COL7A1: variants seen among roughly 807,000 people sequenced by gnomAD.
The protein encoded by COL7A1 is collagen alpha-1(VII) chain.
COL7A1 carries 296 observed loss-of-function variants against 456.2 expected under a neutral mutation model. The observed-to-expected ratio is 0.65, with a 90% CI of 0.59 to 0.71. The LOEUF (loss-of-function observed/expected upper bound fraction) is 0.71. Among genes scored for constraint, COL7A1 ranks in the 30% least tolerant of loss-of-function variants. COL7A1 has a pLI of 0.00. For synonymous variants in COL7A1, 1,464 were observed against 1,525.9 expected, an observed-to-expected ratio of 0.96 and a Z score of 0.95; for missense variants, 3,441 against 4,017.2, an observed-to-expected ratio of 0.86 and a Z score of 3.88.
At chr3:48,589,203 G>A (rs2045515903) in intron 18 of COL7A1, 124 bp downstream of exon 18, 3 of 1,499,380 alleles carry the variant, frequency 2.0e-6, no homozygotes, top group Non-Finnish European at 2.8e-6. Context: ...ATCAGTGTGG[G>A]GTGGGTCAGT....
Position 48,572,997 on chromosome 3 carries a change from C to A in COL7A1, c.6750+24G>T. ...CTGTCGACCCTTGACCCCTGGAGCC[C>A]AACCCTTGACCCCCAGAACTCACCA... On this transcript the variant is annotated intron_variant, in intron 86 of 118. Coordinates refer to ENST00000681320, the MANE Select transcript of COL7A1 (RefSeq NM_000094.4). This position sits in a 1 kb window ranked among gnomAD's most constrained non-coding sequence, Gnocchi z 4.6. The A allele has an allele frequency of 6.2e-7, 1 of 1,614,012 alleles. No homozygotes were observed. Among genetic ancestry groups the A allele is most frequent in the Non-Finnish European group, 8.5e-7 (1 of 1,180,016 alleles).
In COL7A1 at chr3:48,578,847, G is replaced by A; in HGVS notation, c.5424+72C>T. 1 of 1,499,814 alleles carries A rather than the reference G, an allele frequency of 6.7e-7. No individual in the cohort carries two copies. The highest frequency in any genetic ancestry group is 1.9e-5 in the Admixed American group (1 of 52,194). 92.9% of individuals were successfully genotyped at this position (1,499,814 alleles called of 1,614,324 possible). ...CCCCCCACCAACTCTCTCGGATGCT[G>A]TGACTATGATGATCTGGTTGGAGCT... On this transcript the variant is annotated intron_variant, in intron 63 of 118. Coordinates refer to ENST00000681320, the MANE Select transcript of COL7A1 (RefSeq NM_000094.4). This position sits in a 1 kb window ranked among gnomAD's most constrained non-coding sequence, Gnocchi z 4.7.
In COL7A1 at chr3:48,570,802, C is replaced by T. The variant is rs538356719; in HGVS notation, c.7272+59G>A. ...AAGACTGGGAACCCCCAAGGCAGGG[C>T]CCCCTCCTCACCCACCATGGATTCA... On this transcript the variant is annotated intron_variant, in intron 95 of 118. Transcript: ENST00000681320. This position sits in a 1 kb window ranked among gnomAD's most constrained non-coding sequence, Gnocchi z 5.5. The T allele has an allele frequency of 1.8e-5, 28 of 1,564,090 alleles. No individual in the cohort carries two copies. The highest frequency in any genetic ancestry group is 2.4e-5 in the Non-Finnish European group (28 of 1,153,628).
chr3:48,580,462 C>T lies in COL7A1; in HGVS notation c.5053-118G>A. 1 of 1,476,408 alleles carries T rather than the reference C, an allele frequency of 6.8e-7. No homozygotes were observed. The allele number at this position is 1,476,408 out of a possible 1,614,324, so 91.5% of individuals were successfully genotyped here. On this transcript the variant is annotated intron_variant, in intron 55 of 118. Coordinates refer to ENST00000681320, the MANE Select transcript of COL7A1 (RefSeq NM_000094.4). The surrounding 1 kb of genome is among the most constrained non-coding windows in gnomAD (Gnocchi z 4.5). ...CCTTCAGATGCGTGTGTGCAGGGGT[C>T]AAAGGAAGTGAAGATTGGGAGGGTT...
In COL7A1 at chr3:48,567,213, A is replaced by G. The variant is rs1297886768; in HGVS notation, c.8047-23T>C. Reference sequence around the variant, plus strand: ...ACCCTGGGAACAGAAGAAGCATGAGAGACCTTCTGCCCTGACCTCCCTCAG... The same window carrying G: ...ACCCTGGGAACAGAAGAAGCATGAGGGACCTTCTGCCCTGACCTCCCTCAG... On this transcript the variant is annotated intron_variant, in intron 109 of 118. Coordinates refer to ENST00000681320, the MANE Select transcript of COL7A1 (RefSeq NM_000094.4). This position sits in a 1 kb window ranked among gnomAD's most constrained non-coding sequence, Gnocchi z 4.3. 1 of 1,613,270 alleles carries G rather than the reference A, an allele frequency of 6.2e-7. No homozygotes were observed. The highest frequency in any genetic ancestry group is 1.3e-5 in the African/African-American group (1 of 74,856).
Position 48,587,193 on chromosome 3 carries a change from G to A in COL7A1, c.3136C>T (p.Pro1046Ser). The change falls in exon 24 of 119, where the codon CCA (proline) becomes TCA (serine). Residue 1046 changes from proline to serine, a missense_variant. By Grantham distance (74) the Pro-to-Ser change is moderately conservative. Around this residue, in one of 3 missense-constraint regions of COL7A1, gnomAD observed 444 missense variants for 427.6 expected, o/e 1.04. Transcript: ENST00000681320. This position sits in a 1 kb window ranked among gnomAD's most constrained non-coding sequence, Gnocchi z 6.1. The part of the protein sequence containing the change: ...RGPEASVTQT[P>S]VCPRGLADVV... ...CTTCCCACTACGCCCACTATACCTG[G>A]CGTCTGTGTGACAGATGCCTCAGGA... The A allele has an allele frequency of 1.2e-6, 2 of 1,613,590 alleles. No homozygotes were observed. The highest frequency in any genetic ancestry group is 1.7e-6 in the Non-Finnish European group (2 of 1,179,926).
At position 48,566,343 on chromosome 3, in the gene COL7A1, AAAG is replaced by A. The variant is rs1392753982; in HGVS notation, c.8359-31_8359-29del. On this transcript the variant is annotated intron_variant, in intron 113 of 118. Transcript: ENST00000681320. This position sits in a 1 kb window ranked among gnomAD's most constrained non-coding sequence, Gnocchi z 5.9. ...GGGAGCAGAAGACCACAGGGACCAT[AAAG>A]AACCCATGGCCCACAGGAAGGACAT... 1.9e-6 allele frequency: 3 copies of A among 1,605,488 alleles called. No homozygotes were observed. The highest frequency in any genetic ancestry group is 1.7e-6 in the Non-Finnish European group (2 of 1,176,274).
chr3:48,569,982 G>A lies in COL7A1; in HGVS notation c.7486-67C>T. 1 of 1,609,140 alleles carries A rather than the reference G, an allele frequency of 6.2e-7. No homozygotes were observed. The highest frequency in any genetic ancestry group is 8.5e-7 in the Non-Finnish European group (1 of 1,176,310). On this transcript the variant is annotated intron_variant, in intron 99 of 118. Transcript: ENST00000681320. This position sits in a 1 kb window ranked among gnomAD's most constrained non-coding sequence, Gnocchi z 4.9. ...AGTGGAGGACGGAGGAGGATCAGGG[G>A]GAGGAGGGAAACAGTGGGGACCAGA...
Position 48,572,723 on chromosome 3 carries a change from G to A in COL7A1, c.6848C>T (p.Pro2283Leu). The change falls in exon 88 of 119, where the codon CCT (proline) becomes CTT (leucine). Residue 2283 changes from proline (P) to leucine (L), a missense_variant. Transcript: ENST00000681320. This position sits in a 1 kb window ranked among gnomAD's most constrained non-coding sequence, Gnocchi z 4.6. ...SPGVPGSPGLPGPVGPKGEPG... is the reference protein window; with the variant it reads ...SPGVPGSPGLLGPVGPKGEPG... ...TTCTCCTTTAGGTCCGACAGGGCCA[G>A]GCAGACCTGGTGACCCCTATGGCAG... 1 of 1,609,774 alleles carries A rather than the reference G, an allele frequency of 6.2e-7. No individual in the cohort carries two copies. The highest frequency in any genetic ancestry group is 8.5e-7 in the Non-Finnish European group (1 of 1,178,064).
rs2043649063 is a variant in COL7A1 at position 48,567,245 on chromosome 3, A to T, written c.8047-55T>A. On this transcript the variant is annotated intron_variant, in intron 109 of 118. Coordinates refer to ENST00000681320, the MANE Select transcript of COL7A1 (RefSeq NM_000094.4). The surrounding 1 kb of genome is among the most constrained non-coding windows in gnomAD (Gnocchi z 4.3). ...CTGCCCTGACCTCCCTCAGCTCTGG[A>T]ACCTCCCTGAACTCCCATGAGCTCC... The T allele has an allele frequency of 5.0e-6, 8 of 1,598,364 alleles. No individual in the cohort carries two copies.
At position 48,578,835 on chromosome 3, in the gene COL7A1, C is replaced by T. The variant is rs2044511746; in HGVS notation, c.5424+84G>A. The T allele has an allele frequency of 7.0e-7, 1 of 1,437,928 alleles. No homozygotes were observed. The highest frequency in any genetic ancestry group is 1.3e-5 in the South Asian group (1 of 75,928). The allele number at this position is 1,437,928 out of a possible 1,614,324, so 89.1% of individuals were successfully genotyped here. A position where few individuals can be genotyped will look rare whatever the true frequency, so the allele number is the denominator to read the frequency against. ...AGGCTGAACCGACCCCCCACCAACT[C>T]TCTCGGATGCTGTGACTATGATGAT... On this transcript the variant is annotated intron_variant, in intron 63 of 118. Transcript: ENST00000681320. The surrounding 1 kb of genome is among the most constrained non-coding windows in gnomAD (Gnocchi z 4.7).
At position 48,588,806 on chromosome 3, in the gene COL7A1, C is replaced by T. The variant is rs115504500; in HGVS notation, c.2441-18G>A. 4.4e-4 allele frequency: 718 copies of T among 1,613,702 alleles called. 5 individuals carry two copies. In the African/African-American group the frequency reaches 8.9e-3, roughly 20 times the overall value. On this transcript the variant is annotated intron_variant, in intron 19 of 118. Transcript: ENST00000681320. This position sits in a 1 kb window ranked among gnomAD's most constrained non-coding sequence, Gnocchi z 4.6. ...GGGGCCGCCTGGCCAGGTGGGCATA[C>T]AGCAATGGTTAGGGGTGAGCAGTCC...
In COL7A1 at chr3:48,595,089, T is replaced by G. The variant is rs929295360; in HGVS notation, c.71A>C (p.Gln24Pro). Residue 24 changes from glutamine to proline, a missense_variant, in exon 2 of 119, where the codon CAG becomes CCG. Coordinates refer to ENST00000681320, the MANE Select transcript of COL7A1 (RefSeq NM_000094.4). ...GCGGTGCCCACCTCTCTCCCTGTGC[T>G]GGGCTCGCACTCGGGGCGCCTCTGC... is the stretch of plus-strand genomic sequence containing the variant. ...ILAEAPRVRA[Q>P]HRERVTCTRL... 2.0e-5 allele frequency: 31 copies of G among 1,551,866 alleles called. No homozygotes were observed. The highest frequency in any genetic ancestry group is 3.4e-4 in the Middle Eastern group (2 of 5,954).
At position 48,594,972 on chromosome 3, in the gene COL7A1, G is replaced by A. The variant is rs562155841; in HGVS notation, c.85+103C>T. On this transcript the variant is annotated intron_variant, in intron 2 of 118. Coordinates refer to ENST00000681320, the MANE Select transcript of COL7A1 (RefSeq NM_000094.4). The surrounding 1 kb of genome is among the most constrained non-coding windows in gnomAD (Gnocchi z 5.5). ...GGAGGAATCCGCGGGGCGTCGTGGA[G>A]TTGGCTGGGTTGTGGGCGGGGGGTG... 2.0e-5 allele frequency: 19 copies of A among 948,002 alleles called. No homozygotes were observed. The highest frequency in any genetic ancestry group is 2.9e-5 in the Non-Finnish European group (18 of 620,858). 58.7% of individuals were successfully genotyped at this position (948,002 alleles called of 1,614,324 possible).
rs2043664369 is a variant in COL7A1, at chr3:48,567,618, C to T, written c.8002G>A (p.Gly2668Ser). ...TCCTTGCCAGGGGCCCCCGACTGGC[C>T]CGGCACACCAGGCTCCCCCTGGAGA... ...KGEMGEPGVP[G>S]QSGAPGKEGL... Residue 2668 changes from glycine (G) to serine (S), a missense_variant, in exon 109 of 119, where the codon GGC (glycine) becomes AGC (serine). By Grantham distance (56) the Gly-to-Ser change is moderately conservative (BLOSUM62 0). Coordinates refer to ENST00000681320, the MANE Select transcript of COL7A1 (RefSeq NM_000094.4). The surrounding 1 kb of genome is among the most constrained non-coding windows in gnomAD (Gnocchi z 4.3). 1 of 1,613,958 alleles carries T rather than the reference C, an allele frequency of 6.2e-7. No individual in the cohort carries two copies. The highest frequency in any genetic ancestry group is 1.7e-5 in the Admixed American group (1 of 60,006).
chr3:48,589,703 A>T lies in COL7A1; in HGVS notation c.2066T>A (p.Val689Glu). The T allele has an allele frequency of 1.2e-6, 2 of 1,613,980 alleles. No individual in the cohort carries two copies. Among genetic ancestry groups the T allele is most frequent in the Non-Finnish European group, 8.5e-7 (1 of 1,179,988 alleles). Residue 689 changes from valine (V) to glutamate (E), a missense_variant, in exon 17 of 119, where the codon GTG (valine) becomes GAG (glutamate). Val to Glu is a moderately radical substitution (Grantham distance 121). Coordinates refer to ENST00000681320, the MANE Select transcript of COL7A1 (RefSeq NM_000094.4). ...IVARTDPLGP[V>E]RTVHVTQASS... ...GGCCTGAGTCACATGGACCGTCCTC[A>T]CTGGGCCCAGTGGGTCTAGTGGGGA...
Position 48,592,516 on chromosome 3 carries a change from G to T in COL7A1, c.977-49C>A. ...TTCATGGAGTCAGAAGTGGGAGGGGGTACTGGGGTCGGGGGTTAGGTGAAT... is the reference window on the plus strand; with the variant it reads ...TTCATGGAGTCAGAAGTGGGAGGGGTTACTGGGGTCGGGGGTTAGGTGAAT... On this transcript the variant is annotated intron_variant, in intron 8 of 118. Coordinates refer to ENST00000681320, the MANE Select transcript of COL7A1 (RefSeq NM_000094.4). The surrounding 1 kb of genome is among the most constrained non-coding windows in gnomAD (Gnocchi z 7.6). The T allele has an allele frequency of 6.2e-7, 1 of 1,613,348 alleles. No homozygotes were observed. The highest frequency in any genetic ancestry group is 8.5e-7 in the Non-Finnish European group (1 of 1,179,898).
At position 48,566,607 on chromosome 3, in the gene COL7A1, G is replaced by A. The variant is rs780392345; in HGVS notation, c.8305-44C>T. On this transcript the variant is annotated intron_variant, in intron 112 of 118. Transcript: ENST00000681320. This position sits in a 1 kb window ranked among gnomAD's most constrained non-coding sequence, Gnocchi z 5.9. ...ACCAGGCTGTGACCTCTGACCTCAG[G>A]GACAACAGAAGTCACCCCGATCTCT... is the stretch of plus-strand genomic sequence containing the variant. 3 of 1,614,094 alleles carry A rather than the reference G, an allele frequency of 1.9e-6. No individual in the cohort carries two copies. Among genetic ancestry groups the A allele is most frequent in the Non-Finnish European group, 2.5e-6 (3 of 1,179,988 alleles).
chr3:48,582,634 C>T lies in COL7A1; in HGVS notation c.4538G>A (p.Gly1513Glu). 1 of 1,613,508 alleles carries T rather than the reference C, an allele frequency of 6.2e-7. No individual in the cohort carries two copies. Among genetic ancestry groups the T allele is most frequent in the Non-Finnish European group, 8.5e-7 (1 of 1,180,022 alleles). Reference sequence around the variant, plus strand: ...TTCAGGACCCTTGGCTCCAGGACGTCCAGCAACCCCTGGCAGCCCCTGGAG... The same window carrying T: ...TTCAGGACCCTTGGCTCCAGGACGTTCAGCAACCCCTGGCAGCCCCTGGAG... Reference protein sequence around the residue: ...AGSRGLPGVAGRPGAKGPEGP... With the variant: ...AGSRGLPGVAERPGAKGPEGP... The change falls in exon 45 of 119, where the codon GGA (glycine) becomes GAA (glutamate). Residue 1513 changes from glycine to glutamate, a missense_variant. Gly to Glu is a moderately conservative substitution (Grantham distance 98). Around this residue, in one of 3 missense-constraint regions of COL7A1, gnomAD observed 2,084 missense variants for 2,501.3 expected, o/e 0.83. Transcript: ENST00000681320.
Sources: gnomAD v4.1 joint callset for allele counts on GRCh38, gnomAD v4.1.1 for gene constraint, gnomAD v4.1.1 regional missense constraint, Gnocchi (gnomAD v3.1) non-coding constraint, MANE v1.5 for transcripts, NCBI Gene and HGNC (gene_info 2026-07-23, HGNC 2026-07-21) for gene names.